KMT2C: variants seen among roughly 807,000 people sequenced by gnomAD.
The protein encoded by KMT2C is histone-lysine N-methyltransferase 2C.
In KMT2C, 88 loss-of-function variants were observed where a neutral mutation model predicts 507.9. The ratio of observed to expected loss-of-function variants is 0.17; its 90% confidence interval spans 0.15 to 0.21. The LOEUF (loss-of-function observed/expected upper bound fraction) is 0.21, where lower values mean the gene tolerates loss of function less well. Among genes scored for constraint, KMT2C ranks in the 10% least tolerant of loss-of-function variants. KMT2C has a pLI of 1.00. For synonymous variants in KMT2C, 2,049 were observed against 2,080.8 expected, an observed-to-expected ratio of 0.98 and a Z score of 0.42; for missense variants, 4,954 against 5,957.8, an observed-to-expected ratio of 0.83 and a Z score of 5.55.
At chr7:152,189,245 T>C (rs1241308457) in intron 31 of KMT2C, among the ~76,000 whole-genome samples, 1 of 152,202 alleles carries the variant, frequency 6.6e-6, no homozygotes, top group African/African-American at 2.4e-5. Flanking sequence ...CTGTCCATAT[T>C]GGAGCAGTTT....
intron 2 of KMT2C, among the ~76,000 whole-genome samples, chr7:152,356,618 C>T (rs576711347): frequency 1.3e-5 from 2 of 150,110 alleles, no homozygotes; most frequent in Admixed American, 6.6e-5. Context: ...AGGCACGGCG[C>T]GGTGACTCAC....
intron 53 of KMT2C, among the ~76,000 whole-genome samples, chr7:152,146,359 C>A (rs747996960): frequency 6.6e-6 from 1 of 152,202 alleles, no homozygotes; most frequent in Non-Finnish European, 1.5e-5. Flanking sequence ...GTCCTTCACC[C>A]CTGCTTGCCT....
chr7:152,389,851 A>G (rs932177561), intron 1 of KMT2C, among the ~76,000 whole-genome samples: 1 of 152,208 alleles, frequency 6.6e-6, no homozygotes, highest in Non-Finnish European at 1.5e-5. Context: ...AAAAAAAGGT[A>G]AAAATATACA....
intron 23 of KMT2C, among the ~76,000 whole-genome samples, chr7:152,218,890 A>G (rs1167992492): frequency 2.6e-5 from 4 of 151,670 alleles, no homozygotes; most frequent in Non-Finnish European, 5.9e-5. Context: ...CAAGTGGCTC[A>G]CTCACTCACC....
intron 1 of KMT2C, among the ~76,000 whole-genome samples, chr7:152,431,271 A>G (rs2097860315): frequency 1.3e-5 from 2 of 152,138 alleles, no homozygotes; most frequent in South Asian, 2.1e-4. Flanking sequence ...ATAAATTTGT[A>G]TAATAGACTA....
At chr7:152,367,622 T>C (rs1319413430) in intron 1 of KMT2C, 4 of 1,385,156 alleles carry the variant, frequency 2.9e-6, no homozygotes, top group African/African-American at 1.4e-5. Flanking sequence ...AAAAAGACTA[T>C]ACAGGTGGAC....
chr7:152,286,996 T>C (rs1291509602), intron 6 of KMT2C, among the ~76,000 whole-genome samples: 7 of 152,216 alleles, frequency 4.6e-5, no homozygotes, highest in African/African-American at 4.8e-5. Flanking sequence ...ATATACCTTT[T>C]GCAAAGACTT....
intron 23 of KMT2C, among the ~76,000 whole-genome samples, chr7:152,215,723 T>TACACAC (rs138045665): frequency 7.4e-5 from 10 of 135,916 alleles, no homozygotes; most frequent in Non-Finnish European, 7.7e-5. Context: ...TATATATATA[T>TACACAC]ACACACACAC....
intron 28 of KMT2C, 93 bp from the exon 29 acceptor site, chr7:152,194,661 T>C (rs1224935983): frequency 1.9e-5 from 16 of 864,568 alleles, no homozygotes; most frequent in East Asian, 1.4e-4. Flanking sequence ...TATATAACAA[T>C]ATGATTAAAA....
At chr7:152,255,117 A>ATATATG (rs1389930234) in intron 9 of KMT2C, among the ~76,000 whole-genome samples, 1 of 96,496 alleles carries the variant, frequency 1.0e-5, no homozygotes, top group East Asian at 2.8e-4. Context: ...ACTTATATAT[A>ATATATG]TATATATATA....
At chr7:152,401,272 G>GT (rs1465913141) in intron 1 of KMT2C, among the ~76,000 whole-genome samples, 1 of 152,016 alleles carries the variant, frequency 6.6e-6, no homozygotes, top group Non-Finnish European at 1.5e-5. Context: ...TAGAGACGGG[G>GT]TTTCACCATG....
intron 14 of KMT2C, among the ~76,000 whole-genome samples, chr7:152,246,859 G>T (rs1376074427): frequency 2.0e-5 from 3 of 152,056 alleles, no homozygotes; most frequent in African/African-American, 7.2e-5. Context: ...AATCCCATCT[G>T]ACAACTACTT....
intron 1 of KMT2C, among the ~76,000 whole-genome samples, chr7:152,398,234 C>T (rs1465660535): frequency 1.3e-5 from 2 of 152,180 alleles, no homozygotes; most frequent in African/African-American, 4.8e-5. Flanking sequence ...GGAGCTTGGT[C>T]TCTCTGGTTC....
chr7:152,275,642 A>C (rs2096067883), intron 6 of KMT2C, among the ~76,000 whole-genome samples: 1 of 152,174 alleles, frequency 6.6e-6, no homozygotes. Flanking sequence ...CAAAACAGGT[A>C]ATTTTTTATA....
chr7:152,330,735 G>A lies in KMT2C; in HGVS notation c.255C>T (p.Ile85=). The change falls in exon 3 of 59, where the codon ATC becomes ATT. Residue 85 remains isoleucine (I), a synonymous_variant. Coordinates refer to ENST00000262189, the MANE Select transcript of KMT2C (RefSeq NM_170606.3). ...CATCCTCTTCTGCAGATTGTTCTTT[G>A]ATTTCTGCTTAACAGTAAACAAGAG... ...TETETIVETE[I]KEQSAEEDAE... 1 of 1,613,540 alleles carries A rather than the reference G, an allele frequency of 6.2e-7. No individual in the cohort carries two copies. Among genetic ancestry groups the A allele is most frequent in the Non-Finnish European group, 8.5e-7 (1 of 1,179,814 alleles).
chr7:152,180,570 T>C, intron 36 of KMT2C, 141 bp downstream of exon 36: 1 of 640,654 alleles, frequency 1.6e-6, no homozygotes, highest in Non-Finnish European at 2.6e-6. Flanking sequence ...ATCAATTTCA[T>C]TTTTCTTTTT....
At chr7:152,418,552 T>A (rs2097759894) in intron 1 of KMT2C, among the ~76,000 whole-genome samples, 1 of 152,016 alleles carries the variant, frequency 6.6e-6, no homozygotes, top group Non-Finnish European at 1.5e-5. Context: ...TGCCTCAGCC[T>A]CCTGAGCAGC....
chr7:152,384,040 G>C (rs1287829699), intron 1 of KMT2C, among the ~76,000 whole-genome samples: 4 of 147,384 alleles, frequency 2.7e-5, no homozygotes, highest in Non-Finnish European at 5.9e-5. Context: ...GCAGACATGT[G>C]TGTCTGTGTG....
intron 6 of KMT2C, among the ~76,000 whole-genome samples, chr7:152,276,225 A>C (rs78819636): frequency 3.8e-3 from 516 of 135,680 alleles, no homozygotes; most frequent in South Asian, 4.9e-3. Context: ...GAAAATGTTT[A>C]CTATATATAC....
Sources: gnomAD v4.1 joint callset for allele counts (sites outside exome capture counted in the v4.1 genomes callset) on GRCh38, gnomAD v4.1.1 for gene constraint, MANE v1.5 for transcripts, NCBI Gene and HGNC (gene_info 2026-07-23, HGNC 2026-07-21) for gene names.